Variants in ACAA2 observed in about 807,000 individuals in gnomAD.
ACAA2 encodes the protein acetyl-CoA acyltransferase 2.
ACAA2 carries 35 observed loss-of-function variants against 44.8 expected under a neutral mutation model. The observed-to-expected ratio is 0.78, with a 90% confidence interval of 0.60 to 1.04. ACAA2 has a LOEUF of 1.04. Among genes scored for constraint, ACAA2 ranks in the 50% least tolerant of loss-of-function variants. The pLI is 0.00. For missense variants in ACAA2, 468 were observed against 482.6 expected, an observed-to-expected ratio of 0.97 and a Z score of 0.28; for synonymous variants, 142 against 166.5, an observed-to-expected ratio of 0.85 and a Z score of 1.13.
chr18:49,783,514 G>A lies in ACAA2; in HGVS notation c.*333C>T, dbSNP rs7233791. ...CAGGAAAATATTAACTGAAGTTAAG[G>A]CAACATTTATTTGATTTCCTTATAA... is the stretch of plus-strand genomic sequence containing the variant. On this transcript the variant is annotated 3_prime_UTR_variant, in exon 10 of 10. Transcript: ENST00000285093. 2.7e-5 allele frequency: 5 copies of A among 188,466 alleles called. No individual in the cohort carries two copies. The highest frequency in any genetic ancestry group is 1.3e-4 in the East Asian group (1 of 7,900). 11.7% of individuals were successfully genotyped at this position (188,466 alleles called of 1,614,324 possible). A position where few individuals can be genotyped will look rare whatever the true frequency, so the allele number is the denominator to read the frequency against.
intron 3 of ACAA2, among the ~76,000 whole-genome samples, chr18:49,796,146 T>G (rs1044845366): frequency 6.6e-6 from 1 of 152,156 alleles, no homozygotes; most frequent in African/African-American, 2.4e-5. Context: ...GAATAGTAAT[T>G]CTTAACACAA....
intron 4 of ACAA2, 96 bp downstream of exon 4, chr18:49,795,669 C>T: frequency 1.5e-6 from 1 of 652,294 alleles, no homozygotes; most frequent in Non-Finnish European, 2.5e-6. Context: ...AAATTGGCTT[C>T]AAAATTAGTT....
chr18:49,801,748 G>A (rs1043818034), intron 2 of ACAA2, among the ~76,000 whole-genome samples: 2 of 137,492 alleles, frequency 1.5e-5, no homozygotes, highest in Non-Finnish European at 1.6e-5. Context: ...ATTTGTGTGT[G>A]TATATATGAT....
chr18:49,787,279 AAAAAC>A lies in ACAA2; in HGVS notation c.954+7_954+11del. 1 of 1,466,118 alleles carries A rather than the reference AAAAAC, an allele frequency of 6.8e-7. No homozygotes were observed. The highest frequency in any genetic ancestry group is 1.5e-5 in the South Asian group (1 of 68,954). The allele number at this position is 1,466,118 out of a possible 1,614,324, so 90.8% of individuals were successfully genotyped here. A position where few individuals can be genotyped will look rare whatever the true frequency, so the allele number is the denominator to read the frequency against. ...TGTTGTTAAAAAAAAAAAAAAAAAA[AAAAAC>A]ACTTACCTCTACCAAATCCATGTCC... On this transcript the variant is annotated splice_region_variant and intron_variant, in intron 8 of 9. Coordinates refer to ENST00000285093, the MANE Select transcript of ACAA2 (RefSeq NM_006111.3).
At chr18:49,793,444 A>G (rs1383207948) in intron 5 of ACAA2, among the ~76,000 whole-genome samples, 1 of 152,238 alleles carries the variant, frequency 6.6e-6, no homozygotes, top group Non-Finnish European at 1.5e-5. Flanking sequence ...ACTGAGCTTG[A>G]TAACTTGTGC....
chr18:49,797,110 C>A (rs2023473519), intron 3 of ACAA2, among the ~76,000 whole-genome samples: 1 of 152,098 alleles, frequency 6.6e-6, no homozygotes, highest in Non-Finnish European at 1.5e-5. Flanking sequence ...AACTCCATAT[C>A]CATTAAACAC....
At chr18:49,792,820 G>C (rs2023421174) in intron 5 of ACAA2, among the ~76,000 whole-genome samples, 1 of 151,500 alleles carries the variant, frequency 6.6e-6, no homozygotes, top group Non-Finnish European at 1.5e-5. Context: ...TGTTTATGTA[G>C]TTGCATTTTG....
intron 1 of ACAA2, among the ~76,000 whole-genome samples, chr18:49,804,629 A>T (rs7506023): frequency 6.6e-6 from 1 of 152,196 alleles, no homozygotes; most frequent in African/African-American, 2.4e-5. Flanking sequence ...CCCTTAGAAT[A>T]TAAGAATATA....
At chr18:49,795,564 A>G (rs971972353) in intron 4 of ACAA2, among the ~76,000 whole-genome samples, 7 of 152,208 alleles carry the variant, frequency 4.6e-5, no homozygotes, top group African/African-American at 1.7e-4. Context: ...ATCTAATTTC[A>G]TATGGGTTAA....
intron 1 of ACAA2, 138 bp from the exon 2 acceptor site, chr18:49,802,991 C>T (rs1276737434): frequency 5.2e-6 from 5 of 965,256 alleles, no homozygotes; most frequent in Non-Finnish European, 6.6e-6. Flanking sequence ...ATACCTAGAA[C>T]AAGTCATACC....
At chr18:49,800,946 G>A (rs1455561680) in intron 2 of ACAA2, among the ~76,000 whole-genome samples, 1 of 148,412 alleles carries the variant, frequency 6.7e-6, no homozygotes, top group African/African-American at 2.5e-5. Context: ...TGAAAGGCCA[G>A]ATGCTTTCCC....
intron 7 of ACAA2, among the ~76,000 whole-genome samples, chr18:49,787,635 C>T (rs1037985444): frequency 6.6e-6 from 1 of 151,648 alleles, no homozygotes; most frequent in Non-Finnish European, 1.5e-5. Context: ...ACAGCAAGAC[C>T]CCATCTCTAA....
At chr18:49,803,396 C>G (rs775164814) in intron 1 of ACAA2, among the ~76,000 whole-genome samples, 6 of 152,050 alleles carry the variant, frequency 3.9e-5, no homozygotes, top group Non-Finnish European at 8.8e-5. Flanking sequence ...AGTCACGTTC[C>G]CCACACTTGC....
rs774775444 is a variant in ACAA2, at chr18:49,792,294, G to A, written c.611C>T (p.Ala204Val). Residue 204 changes from alanine to valine, a missense_variant, in exon 6 of 10, where the codon GCA becomes GTA. Ala to Val is a moderately conservative substitution (Grantham distance 64). Coordinates refer to ENST00000285093, the MANE Select transcript of ACAA2 (RefSeq NM_006111.3). Reference sequence around the variant, plus strand: ...TTTCTTTGTCTTCACTTCAATTGGTGCCATTTCATCATTAAAGTAGCCAGC... The same window carrying A: ...TTTCTTTGTCTTCACTTCAATTGGTACCATTTCATCATTAAAGTAGCCAGC... ...NDAGYFNDEM[A>V]PIEVKTKKGK... is the part of the protein sequence containing the mutation. The A allele has an allele frequency of 6.2e-7, 1 of 1,613,778 alleles. No homozygotes were observed. Among genetic ancestry groups the A allele is most frequent in the East Asian group, 2.2e-5 (1 of 44,880 alleles).
At chr18:49,802,583 T>C in intron 2 of ACAA2, 104 bp downstream of exon 2, 1 of 1,024,566 alleles carries the variant, frequency 9.8e-7, no homozygotes, top group Non-Finnish European at 1.4e-6. Flanking sequence ...AAAAAGTCTA[T>C]AACTATTATT....
chr18:49,811,101 C>T (rs947021543), intron 1 of ACAA2, among the ~76,000 whole-genome samples: 2 of 150,656 alleles, frequency 1.3e-5, no homozygotes, highest in African/African-American at 4.9e-5. Flanking sequence ...ATTTGAACAC[C>T]CTGAAAATTC....
At chr18:49,785,742 A>G (rs2023320865) in intron 8 of ACAA2, 1 of 209,386 alleles carries the variant, frequency 4.8e-6, no homozygotes, top group Non-Finnish European at 9.4e-6. Context: ...GCGTGTGAAA[A>G]TGTGACTGTG....
rs1352331363 is a variant in ACAA2 at position 49,805,863 on chromosome 18, TTA to T, written c.17-3012_17-3011del. Among the ~76,000 whole-genome samples the T allele has an allele frequency of 2.6e-5, 4 of 152,238 alleles. No individual in the cohort carries two copies. The East Asian group carries it at 7.7e-4, about 29-fold the overall frequency. On this transcript the variant is annotated intron_variant, in intron 1 of 9. Transcript: ENST00000285093. ...ACCTTGGCCTCCCAAACTGCTAGGA[TTA>T]TAGGCATGAGCTACTGCACCTGGCC... is the stretch of plus-strand genomic sequence containing the variant.
chr18:49,809,873 C>T (rs2023649842), intron 1 of ACAA2, among the ~76,000 whole-genome samples: 1 of 152,144 alleles, frequency 6.6e-6, no homozygotes, highest in Admixed American at 6.5e-5. Flanking sequence ...ATATGAACTT[C>T]AGTGAATAAT....
Sources: gnomAD v4.1 joint callset for allele counts (sites outside exome capture counted in the v4.1 genomes callset) on GRCh38, gnomAD v4.1.1 for gene constraint, MANE v1.5 for transcripts, NCBI Gene and HGNC (gene_info 2026-07-23, HGNC 2026-07-21) for gene names.